SLC9A4: variants seen among roughly 807,000 people sequenced by gnomAD.
SLC9A4 encodes the protein solute carrier family 9 member A4, also known as sodium/hydrogen exchanger 4.
Under a neutral mutation model 67.4 loss-of-function variants are expected in SLC9A4, and 63 were observed. The observed-to-expected ratio is 0.93, with a 90% CI of 0.76 to 1.15. The LOEUF is 1.15. Among genes scored for constraint, SLC9A4 ranks in the 50% most tolerant of loss-of-function variants. The pLI is 0.00. For synonymous variants in SLC9A4, 393 were observed against 367.2 expected, an observed-to-expected ratio of 1.07 and a Z score of -0.80; for missense variants, 1,089 against 987.7, an observed-to-expected ratio of 1.10 and a Z score of -1.38.
intron 3 of SLC9A4, 134 bp from the exon 4 acceptor site, chr2:102,505,120 C>T: frequency 1.3e-6 from 1 of 771,436 alleles, no homozygotes; most frequent in East Asian, 2.7e-5. Flanking sequence ...AAATCTGCAG[C>T]CACAGAAGGG....
At chr2:102,481,959 A>G (rs1684474248) in intron 2 of SLC9A4, among the ~76,000 whole-genome samples, 1 of 152,164 alleles carries the variant, frequency 6.6e-6, no homozygotes, top group Non-Finnish European at 1.5e-5. Flanking sequence ...TTGAAAAATA[A>G]TCTGTGCCAT....
At position 102,533,105 on chromosome 2, in the gene SLC9A4, T is replaced by C. The variant is rs1296904108; in HGVS notation, c.*417T>C. On this transcript the variant is annotated 3_prime_UTR_variant, in exon 12 of 12. Transcript: ENST00000295269. Reference sequence around the variant, plus strand: ...TTTGAAGTCACCTGACTCAGCCCCTTGTGTTTACAGACAAGGACATGTAGT... The same window carrying C: ...TTTGAAGTCACCTGACTCAGCCCCTCGTGTTTACAGACAAGGACATGTAGT... The C allele has an allele frequency of 6.1e-6, 1 of 163,058 alleles. No individual in the cohort carries two copies. The highest frequency in any genetic ancestry group is 5.7e-5 in the Admixed American group (1 of 17,402). The allele number at this position is 163,058 out of a possible 1,614,324, so 10.1% of individuals were successfully genotyped here. A position where few individuals can be genotyped will look rare whatever the true frequency, so the allele number is the denominator to read the frequency against.
At chr2:102,525,271 A>C in intron 10 of SLC9A4, 116 bp downstream of exon 10, 1 of 1,474,308 alleles carries the variant, frequency 6.8e-7, no homozygotes, top group Non-Finnish European at 9.2e-7. Context: ...AACAAACAAA[A>C]CCCCACCTTG....
chr2:102,498,710 A>G (rs1684860695), intron 2 of SLC9A4, among the ~76,000 whole-genome samples: 2 of 152,234 alleles, frequency 1.3e-5, no homozygotes, highest in African/African-American at 2.4e-5. Flanking sequence ...TCAAGACACA[A>G]CCACTGAGAT....
chr2:102,508,908 C>T lies in SLC9A4; in HGVS notation c.1463C>T (p.Ser488Phe). The change falls in exon 6 of 12, where the codon TCC (serine) becomes TTC (phenylalanine). Residue 488 changes from serine to phenylalanine, a missense_variant. Transcript: ENST00000295269. ...LDVKKTNKKE[S>F]INEELHIRLM... is the part of the protein sequence containing the mutation. ...GTTAAAAAAACCAATAAAAAAGAAT[C>T]CATCAATGAAGAGCTTCATATTCGT... The T allele has an allele frequency of 6.2e-7, 1 of 1,612,702 alleles. No individual in the cohort carries two copies.
At position 102,526,330 on chromosome 2, in the gene SLC9A4, G is replaced by T; in HGVS notation, c.2022G>T (p.Arg674Ser). Residue 674 changes from arginine to serine, a missense_variant, in exon 11 of 12, where the codon AGG becomes AGT. Coordinates refer to ENST00000295269, the MANE Select transcript of SLC9A4 (RefSeq NM_001011552.4). ...GNPQSAGRDTRAAGFSDDDSS... is the reference protein window; with the variant it reads ...GNPQSAGRDTSAAGFSDDDSS... Reference sequence around the variant, plus strand: ...CTCAGTCTGCAGGAAGAGACACAAGGGCTGCTGGGTTCTCAGGTAAGCTGC... The same window carrying T: ...CTCAGTCTGCAGGAAGAGACACAAGTGCTGCTGGGTTCTCAGGTAAGCTGC... 6.2e-7 allele frequency: 1 copy of T among 1,613,784 alleles called. No individual in the cohort carries two copies. Among genetic ancestry groups the T allele is most frequent in the Non-Finnish European group, 8.5e-7 (1 of 1,179,770 alleles).
intron 2 of SLC9A4, among the ~76,000 whole-genome samples, chr2:102,488,086 A>G (rs539239199): frequency 8.5e-5 from 13 of 152,310 alleles, no homozygotes; most frequent in African/African-American, 3.1e-4. Flanking sequence ...TGCATAATAC[A>G]TTAATAGAAA....
chr2:102,514,460 G>A (rs1172344413), intron 8 of SLC9A4, among the ~76,000 whole-genome samples: 2 of 152,178 alleles, frequency 1.3e-5, no homozygotes, highest in East Asian at 1.9e-4. Flanking sequence ...TTACTTTCTA[G>A]CAAATGTTGC....
At chr2:102,510,749 G>A (rs940163201) in intron 6 of SLC9A4, among the ~76,000 whole-genome samples, 10 of 152,174 alleles carry the variant, frequency 6.6e-5, no homozygotes, top group Non-Finnish European at 1.3e-4. Flanking sequence ...GAATATAGGA[G>A]GGGCAAAGGG....
intron 1 of SLC9A4, among the ~76,000 whole-genome samples, chr2:102,476,323 T>C (rs573123000): frequency 1.4e-4 from 21 of 152,368 alleles, no homozygotes; most frequent in African/African-American, 5.1e-4. Context: ...GACAGGACTT[T>C]TAATATTTGT....
At chr2:102,491,422 C>G (rs1043089262) in intron 2 of SLC9A4, among the ~76,000 whole-genome samples, 1 of 140,154 alleles carries the variant, frequency 7.1e-6, no homozygotes, top group African/African-American at 2.7e-5. Flanking sequence ...ACTCAAGCAC[C>G]ACATAGTTGG....
intron 11 of SLC9A4, 108 bp downstream of exon 11, chr2:102,526,454 C>A: frequency 1.1e-6 from 1 of 910,706 alleles, no homozygotes; most frequent in Non-Finnish European, 1.6e-6. Flanking sequence ...AGGTTACTTA[C>A]ATGATAAGAA....
chr2:102,503,805 G>A (rs1684994287), intron 3 of SLC9A4, 98 bp downstream of exon 3: 7 of 1,455,802 alleles, frequency 4.8e-6, no homozygotes, highest in East Asian at 2.3e-5. Flanking sequence ...AACCAATGAC[G>A]CTAACCCTCC....
chr2:102,531,004 G>A (rs1411505542), intron 11 of SLC9A4, among the ~76,000 whole-genome samples: 1 of 151,442 alleles, frequency 6.6e-6, no homozygotes, highest in East Asian at 1.9e-4. Context: ...TGTTTTTTTA[G>A]GAGGGAGAAT....
At chr2:102,487,892 C>T (rs574844391) in intron 2 of SLC9A4, among the ~76,000 whole-genome samples, 23 of 152,164 alleles carry the variant, frequency 1.5e-4, no homozygotes, top group African/African-American at 4.8e-4. Flanking sequence ...AGTTCTCTCC[C>T]GCCAGCCTTG....
intron 2 of SLC9A4, among the ~76,000 whole-genome samples, chr2:102,499,417 C>CT (rs2104429054): frequency 6.6e-6 from 1 of 152,300 alleles, no homozygotes; most frequent in South Asian, 2.1e-4. Flanking sequence ...AATTTCTACA[C>CT]TTTTTCATGT....
At chr2:102,496,720 C>T (rs537232698) in intron 2 of SLC9A4, among the ~76,000 whole-genome samples, 3 of 152,268 alleles carry the variant, frequency 2.0e-5, no homozygotes, top group East Asian at 1.9e-4. Context: ...GTTGTTTGGG[C>T]TTACTGTACT....
At position 102,514,265 on chromosome 2, in the gene SLC9A4, G is replaced by C. The variant is rs764402507; in HGVS notation, c.1721+14G>C. On this transcript the variant is annotated intron_variant, in intron 8 of 11. Coordinates refer to ENST00000295269, the MANE Select transcript of SLC9A4 (RefSeq NM_001011552.4). Reference sequence around the variant, plus strand: ...CATACCCCATCAGTGAGTCATATCTGTTCTTTGTTCTAAACTTTCACTGTC... The same window carrying C: ...CATACCCCATCAGTGAGTCATATCTCTTCTTTGTTCTAAACTTTCACTGTC... 1.3e-6 allele frequency: 2 copies of C among 1,578,488 alleles called. No individual in the cohort carries two copies. Among genetic ancestry groups the C allele is most frequent in the African/African-American group, 2.7e-5 (2 of 73,560 alleles).
In SLC9A4 at chr2:102,505,419, C is replaced by A. The variant is rs1437889137; in HGVS notation, c.1146C>A (p.Asn382Lys). The A allele has an allele frequency of 9.9e-6, 16 of 1,614,104 alleles. No individual in the cohort carries two copies. The highest frequency in any genetic ancestry group is 6.7e-5 in the Admixed American group (4 of 60,014). The change falls in exon 4 of 12, where the codon AAC becomes AAA. Residue 382 changes from asparagine (N) to lysine (K), a missense_variant. By Grantham distance (94) the Asn-to-Lys change is moderately conservative. Transcript: ENST00000295269. ...CTGTGGGCAAGAATCACGAGTGGAA[C>A]TGGGCCTTCATCTGCTTCACCCTGG... ...VSTVGKNHEW[N>K]WAFICFTLAF... is the part of the protein sequence containing the mutation.
Sources: gnomAD v4.1 joint callset for allele counts (sites outside exome capture counted in the v4.1 genomes callset) on GRCh38, gnomAD v4.1.1 for gene constraint, MANE v1.5 for transcripts, NCBI Gene and HGNC (gene_info 2026-07-23, HGNC 2026-07-21) for gene names.